PDE4D: variants seen among roughly 807,000 people sequenced by gnomAD.
The protein encoded by PDE4D is 3',5'-cyclic-AMP phosphodiesterase 4D.
PDE4D carries 24 observed loss-of-function variants against 87.4 expected under a neutral mutation model. The observed-to-expected ratio is 0.27, with a 90% CI of 0.20 to 0.39. The LOEUF (loss-of-function observed/expected upper bound fraction) is 0.39. PDE4D is among the 10% of genes least tolerant of loss of function. PDE4D has a pLI of 1.00. For synonymous variants in PDE4D, 384 were observed against 383.2 expected, an observed-to-expected ratio of 1.00 and a Z score of -0.02; for missense variants, 714 against 1,041.0, an observed-to-expected ratio of 0.69 and a Z score of 4.32.
At chr5:59,726,453 G>A (rs1444393168) in intron 1 of PDE4D, among the ~76,000 whole-genome samples, 1 of 152,020 alleles carries the variant, frequency 6.6e-6, no homozygotes, top group Admixed American at 6.6e-5. Flanking sequence ...TGGGATTGGT[G>A]CTCTTATAAG....
At chr5:60,219,197 G>A (rs570893276) in intron 1 of PDE4D, among the ~76,000 whole-genome samples, 200 of 152,172 alleles carry the variant, frequency 1.3e-3, no homozygotes, top group African/African-American at 4.6e-3. Context: ...CTAATTAGAT[G>A]GTTACCCATT....
intron 5 of PDE4D, among the ~76,000 whole-genome samples, chr5:59,159,729 C>T (rs1231372757): frequency 6.6e-6 from 1 of 152,004 alleles, no homozygotes; most frequent in African/African-American, 2.4e-5. Context: ...AATGAATTGC[C>T]CTCAACCTTC....
intron 1 of PDE4D, among the ~76,000 whole-genome samples, chr5:60,330,008 G>C (rs1251845212): frequency 6.6e-6 from 1 of 151,822 alleles, no homozygotes; most frequent in Non-Finnish European, 1.5e-5. Flanking sequence ...ATTTGCTTAA[G>C]AGAATCACAG....
At chr5:58,983,451 G>A (rs1745706690) in intron 11 of PDE4D, among the ~76,000 whole-genome samples, 1 of 152,212 alleles carries the variant, frequency 6.6e-6, no homozygotes, top group South Asian at 2.1e-4. Context: ...TGGCGCGTTA[G>A]ATAATACCCT....
intron 1 of PDE4D, among the ~76,000 whole-genome samples, chr5:60,470,013 C>A (rs985558707): frequency 3.9e-5 from 6 of 152,126 alleles, no homozygotes; most frequent in Non-Finnish European, 7.4e-5. Flanking sequence ...CCAAGAACAG[C>A]CAAAAGCTCC....
intron 1 of PDE4D, among the ~76,000 whole-genome samples, chr5:59,365,077 T>C (rs975897751): frequency 6.6e-6 from 1 of 152,072 alleles, no homozygotes; most frequent in Non-Finnish European, 1.5e-5. Flanking sequence ...TTATTTAAAG[T>C]ATCAGGGCAA....
At chr5:59,488,544 G>A (rs1006813928) in intron 1 of PDE4D, among the ~76,000 whole-genome samples, 1 of 152,132 alleles carries the variant, frequency 6.6e-6, no homozygotes, top group East Asian at 1.9e-4. Flanking sequence ...ATCAGTGTGT[G>A]CATAGCTGTG....
At chr5:59,359,477 A>G (rs1781876531) in intron 1 of PDE4D, among the ~76,000 whole-genome samples, 1 of 152,186 alleles carries the variant, frequency 6.6e-6, no homozygotes, top group African/African-American at 2.4e-5. Flanking sequence ...AAGGTCATAG[A>G]AATAAGCTAC....
intron 1 of PDE4D, among the ~76,000 whole-genome samples, chr5:59,512,013 C>A (rs1380869620): frequency 6.6e-6 from 1 of 152,064 alleles, no homozygotes; most frequent in Admixed American, 6.6e-5. Context: ...AGAACATAAA[C>A]AAAACATAAC....
chr5:60,280,311 T>TAC (rs1751770507), intron 1 of PDE4D, among the ~76,000 whole-genome samples: 1 of 139,584 alleles, frequency 7.2e-6, no homozygotes, highest in Non-Finnish European at 1.5e-5. Context: ...TCTATATACA[T>TAC]ACATATATAT....
intron 1 of PDE4D, among the ~76,000 whole-genome samples, chr5:60,309,497 A>G (rs1754809522): frequency 6.6e-6 from 1 of 152,194 alleles, no homozygotes; most frequent in African/African-American, 2.4e-5. Context: ...TTAGTAGACT[A>G]GATAGAGAGA....
chr5:59,464,400 C>T (rs1244189552), intron 1 of PDE4D, among the ~76,000 whole-genome samples: 3 of 152,234 alleles, frequency 2.0e-5, no homozygotes, highest in Non-Finnish European at 2.9e-5. Context: ...GGCAGCAATA[C>T]TGCTTTGTAA....
chr5:59,108,466 GTGTGTGCA>G (rs1315644089), intron 5 of PDE4D, among the ~76,000 whole-genome samples: 1 of 152,166 alleles, frequency 6.6e-6, no homozygotes, highest in Non-Finnish European at 1.5e-5. Flanking sequence ...ATGTGTGTAT[GTGTGTGCA>G]TGTGTGCATG....
At chr5:59,174,890 A>G (rs908412738) in intron 5 of PDE4D, among the ~76,000 whole-genome samples, 3 of 152,182 alleles carry the variant, frequency 2.0e-5, no homozygotes, top group East Asian at 3.8e-4. Context: ...ATATTTAAAT[A>G]CGTTTTCTTT....
At chr5:59,006,658 T>G (rs906686671) in intron 6 of PDE4D, among the ~76,000 whole-genome samples, 1 of 152,188 alleles carries the variant, frequency 6.6e-6, no homozygotes, top group African/African-American at 2.4e-5. Flanking sequence ...CCCCTCAGAA[T>G]TTCTAGAGGC....
At chr5:60,052,659 A>G (rs1770317112) in intron 2 of PDE4D, among the ~76,000 whole-genome samples, 1 of 152,230 alleles carries the variant, frequency 6.6e-6, no homozygotes, top group South Asian at 2.1e-4. Flanking sequence ...CACCACTCCT[A>G]TTCAACACAG....
intron 2 of PDE4D, among the ~76,000 whole-genome samples, chr5:60,000,550 T>C (rs1029423816): frequency 1.3e-5 from 2 of 152,210 alleles, no homozygotes; most frequent in Non-Finnish European, 2.9e-5. Context: ...AGCACTAGAC[T>C]TGACTTACAA....
At chr5:60,316,281 CTGTT>C (rs1249554436) in intron 1 of PDE4D, among the ~76,000 whole-genome samples, 2 of 152,054 alleles carry the variant, frequency 1.3e-5, no homozygotes, top group Admixed American at 6.5e-5. Context: ...ATTTGGCTCT[CTGTT>C]TGTCTGTTAT....
chr5:59,458,805 A>G (rs1451345482), intron 1 of PDE4D, among the ~76,000 whole-genome samples: 1 of 152,220 alleles, frequency 6.6e-6, no homozygotes, highest in Non-Finnish European at 1.5e-5. Flanking sequence ...TGGATCTGCA[A>G]TGAAATCTGA....
Sources: gnomAD v4.1 joint callset for allele counts (sites outside exome capture counted in the v4.1 genomes callset) on GRCh38, gnomAD v4.1.1 for gene constraint, MANE v1.5 for transcripts, NCBI Gene and HGNC (gene_info 2026-07-23, HGNC 2026-07-21) for gene names.